SPTBN1: variants seen among roughly 807,000 people sequenced by gnomAD.
SPTBN1 encodes spectrin beta chain, non-erythrocytic 1.
Under a neutral mutation model 266.4 loss-of-function variants are expected in SPTBN1, and 32 were observed. The ratio of observed to expected loss-of-function variants is 0.12; its 90% CI spans 0.09 to 0.16. The LOEUF is 0.16. Ranked by LOEUF, SPTBN1 falls within the 10% of genes least tolerant of loss-of-function variation. SPTBN1 has a pLI of 1.00. For missense variants in SPTBN1, 2,296 were observed against 3,067.1 expected (o/e 0.75, Z 5.94); for synonymous variants, 1,336 against 1,162.2 (o/e 1.15, Z -3.04).
At position 54,628,288 on chromosome 2, in the gene SPTBN1, C is replaced by A. The variant is rs1434655704; in HGVS notation, c.1798+38C>A. 1 of 1,571,682 alleles carries A rather than the reference C, an allele frequency of 6.4e-7. No homozygotes were observed. Among genetic ancestry groups the A allele is most frequent in the African/African-American group, 1.4e-5 (1 of 73,404 alleles). ...CATTCCAAGCATTACCTCCGGGTCACCAGAGATTCATATTTATAGAAACAC... is the reference window on the plus strand; with the variant it reads ...CATTCCAAGCATTACCTCCGGGTCAACAGAGATTCATATTTATAGAAACAC... On this transcript the variant is annotated intron_variant, in intron 13 of 35. Coordinates refer to ENST00000356805, the MANE Select transcript of SPTBN1 (RefSeq NM_003128.3). This position sits in a 1 kb window ranked among gnomAD's most constrained non-coding sequence, Gnocchi z 4.3.
intron 32 of SPTBN1, chr2:54,661,909 G>A (rs1431457312): frequency 1.0e-6 from 1 of 985,250 alleles, no homozygotes; most frequent in Admixed American, 6.1e-5. Context: ...ATTTTTAAAT[G>A]TAGCTTGTCA....
In SPTBN1 at chr2:54,609,068, G is replaced by A. The variant is rs918932880; in HGVS notation, c.301-3093G>A. Among the ~76,000 whole-genome samples the A allele has an allele frequency of 1.3e-5, 2 of 152,152 alleles. 1 individual carries two copies. Among genetic ancestry groups the A allele is most frequent in the South Asian group, 4.1e-4 (2 of 4,826 alleles). ...GCCATCTTGGTGTAGTAGAAGTGGA[G>A]GAGGTAGAAGGGGAGGCAGAAGAGG... On this transcript the variant is annotated intron_variant, in intron 3 of 35. Coordinates refer to ENST00000356805, the MANE Select transcript of SPTBN1 (RefSeq NM_003128.3).
intron 1 of SPTBN1, among the ~76,000 whole-genome samples, chr2:54,507,596 G>A (rs1573297286): frequency 6.6e-6 from 1 of 152,150 alleles, no homozygotes; most frequent in Admixed American, 6.5e-5. Context: ...GTCTGAATAA[G>A]AGAAGGAGAA....
intron 1 of SPTBN1, among the ~76,000 whole-genome samples, chr2:54,479,802 C>A (rs569992545): frequency 2.6e-5 from 4 of 152,138 alleles, no homozygotes; most frequent in Admixed American, 6.5e-5. Context: ...CATGTAATAA[C>A]CATTTAAGTA....
rs1186509109 is a variant in SPTBN1 at position 54,660,153 on chromosome 2, C to T, written c.6420+154C>T. The T allele has an allele frequency of 2.8e-5, 43 of 1,542,404 alleles. No individual in the cohort carries two copies. In the Admixed American group the frequency reaches 8.2e-4, roughly 30 times the overall value. On this transcript the variant is annotated intron_variant, in intron 32 of 35. Coordinates refer to ENST00000356805, the MANE Select transcript of SPTBN1 (RefSeq NM_003128.3). ...CTGGGTTTTGACTTTTTGGCTTCCACTTCACCCAAAATGTTAAAATTTTTA... is the reference window on the plus strand; with the variant it reads ...CTGGGTTTTGACTTTTTGGCTTCCATTTCACCCAAAATGTTAAAATTTTTA...
rs77923463 is a variant in SPTBN1, at chr2:54,560,922, C to G, written c.148+34356C>G. On this transcript the variant is annotated intron_variant, in intron 2 of 35. Transcript: ENST00000356805. ...ATCCTAGGAGAATTTTGATTAAACA[C>G]ACACACACAAAACCTTTCTTTAATT... is the stretch of plus-strand genomic sequence containing the variant. Among the ~76,000 whole-genome samples the G allele has an allele frequency of 2.5e-3, 387 of 152,338 alleles. 8 individuals are homozygous for G. In the East Asian group the frequency reaches 0.049, roughly 19 times the overall value.
intron 1 of SPTBN1, among the ~76,000 whole-genome samples, 198 bp downstream of exon 1, chr2:54,456,716 G>T (rs1693051241): frequency 6.7e-6 from 1 of 150,280 alleles, no homozygotes; most frequent in South Asian, 2.1e-4. Flanking sequence ...CGGGGAGCCC[G>T]GGTCGCGGGT....
rs1029753357 is a variant in SPTBN1 at position 54,668,488 on chromosome 2, C to T, written c.7014C>T (p.Ser2338=). The T allele has an allele frequency of 3.7e-6, 6 of 1,614,066 alleles. No individual in the cohort carries two copies. Among genetic ancestry groups the T allele is most frequent in the African/African-American group, 2.7e-5 (2 of 74,916 alleles). Residue 2338 remains serine (S), a synonymous_variant, in exon 36 of 36, where the codon AGC becomes AGT. Transcript: ENST00000356805. ...CCACCAGCGTCGTCACCATCACCAG[C>T]GAGTCCAGTCCCGGCAAGCGGGAAA... is the stretch of plus-strand genomic sequence containing the variant. ...TLPTSVVTIT[S]ESSPGKREKD...
At chr2:54,549,901 A>G (rs1672466970) in intron 2 of SPTBN1, among the ~76,000 whole-genome samples, 1 of 152,186 alleles carries the variant, frequency 6.6e-6, no homozygotes, top group Non-Finnish European at 1.5e-5. Context: ...AGAGATGGGG[A>G]CAGACATTTA....
intron 1 of SPTBN1, among the ~76,000 whole-genome samples, chr2:54,489,488 G>T (rs1257743576): frequency 6.6e-6 from 1 of 152,098 alleles, no homozygotes; most frequent in African/African-American, 2.4e-5. Context: ...ATCACTTAAG[G>T]CCAGGAGTTT....
At chr2:54,633,021 A>G (rs1029732903) in intron 17 of SPTBN1, among the ~76,000 whole-genome samples, 10 of 151,380 alleles carry the variant, frequency 6.6e-5, no homozygotes, top group African/African-American at 2.4e-4. Context: ...CTAATTCTTA[A>G]CCGAGGACCT....
In SPTBN1 at chr2:54,628,583, A is replaced by G. The variant is rs1225964539; in HGVS notation, c.1798+333A>G. Reference sequence around the variant, plus strand: ...GCTCCTGGCTTTCACAGCTGGTTGCATATACCTCTCTTTGGAGGATGTTTA... The same window carrying G: ...GCTCCTGGCTTTCACAGCTGGTTGCGTATACCTCTCTTTGGAGGATGTTTA... On this transcript the variant is annotated intron_variant, in intron 13 of 35. Transcript: ENST00000356805. This position sits in a 1 kb window ranked among gnomAD's most constrained non-coding sequence, Gnocchi z 4.3. 6.6e-6 allele frequency among the ~76,000 whole-genome samples: 1 copy of G among 152,160 alleles called. No homozygotes were observed. The highest frequency in any genetic ancestry group is 1.5e-5 in the Non-Finnish European group (1 of 68,030).
intron 33 of SPTBN1, 80 bp from the exon 34 acceptor site, chr2:54,665,835 T>G: frequency 2.7e-6 from 4 of 1,477,970 alleles, no homozygotes; most frequent in Non-Finnish European, 3.7e-6. Flanking sequence ...ATCATTTTCA[T>G]GTTAATGAAA....
chr2:54,584,942 G>C (rs191275448), intron 2 of SPTBN1, among the ~76,000 whole-genome samples: 1 of 152,108 alleles, frequency 6.6e-6, no homozygotes, highest in Non-Finnish European at 1.5e-5. Context: ...CAAGGGAGAG[G>C]TGGGGTGGGA....
rs567881291 is a variant in SPTBN1 at position 54,456,355 on chromosome 2, G to C, written c.-211G>C. On this transcript the variant is annotated 5_prime_UTR_variant, in exon 1 of 36. Transcript: ENST00000356805. ...CCCTCCCTCGGCCGCCTCTCCTCCC[G>C]GAGCGAGCGCGCAGCCCTGCGCAGC... The C allele has an allele frequency of 3.9e-3, 588 of 149,762 alleles. 4 individuals carry two copies. The highest frequency in any genetic ancestry group is 6.0e-3 in the Non-Finnish European group (407 of 67,674). 9.3% of individuals were successfully genotyped at this position (149,762 alleles called of 1,614,324 possible).
At chr2:54,660,760 C>T in intron 32 of SPTBN1, 1 of 985,398 alleles carries the variant, frequency 1.0e-6, no homozygotes, top group South Asian at 4.7e-5. Flanking sequence ...GGCTTCCTTG[C>T]ACAGATGTTG....
chr2:54,562,311 G>A (rs911284776), intron 2 of SPTBN1, among the ~76,000 whole-genome samples: 1 of 152,100 alleles, frequency 6.6e-6, no homozygotes, highest in Admixed American at 6.5e-5. Flanking sequence ...GTGCCATTGT[G>A]TAAATGAAGT....
Position 54,666,090 on chromosome 2 carries a change from TG to T in SPTBN1, c.6833+3del, listed in dbSNP as rs1681347950. On this transcript the variant is annotated splice_donor_region_variant and intron_variant, in intron 34 of 35. Coordinates refer to ENST00000356805, the MANE Select transcript of SPTBN1 (RefSeq NM_003128.3). ...GAAGAAACACGTATTCAAGCTAAGG[TG>T]AGAGTCGCCGTGCTTCATGGCTGCC... is the stretch of plus-strand genomic sequence containing the variant. The T allele has an allele frequency of 2.5e-6, 4 of 1,608,164 alleles. No individual in the cohort carries two copies. The highest frequency in any genetic ancestry group is 3.4e-6 in the Non-Finnish European group (4 of 1,177,542).
chr2:54,622,636 G>C, intron 9 of SPTBN1, 149 bp downstream of exon 9: 1 of 926,474 alleles, frequency 1.1e-6, no homozygotes, highest in South Asian at 1.8e-5. Flanking sequence ...ACTCTGTTTT[G>C]CTGAGATTTA....
Sources: gnomAD v4.1 joint callset for allele counts (sites outside exome capture counted in the v4.1 genomes callset) on GRCh38, gnomAD v4.1.1 for gene constraint, Gnocchi (gnomAD v3.1) non-coding constraint, MANE v1.5 for transcripts, NCBI Gene and HGNC (gene_info 2026-07-23, HGNC 2026-07-21) for gene names.